ANKRD28: variants seen among roughly 807,000 people sequenced by gnomAD.
ANKRD28 encodes the protein serine/threonine-protein phosphatase 6 regulatory ankyrin repeat subunit A.
ANKRD28 carries 44 observed loss-of-function variants against 126.5 expected under a neutral mutation model. The observed-to-expected ratio is 0.35, with a 90% CI of 0.27 to 0.45. The LOEUF (loss-of-function observed/expected upper bound fraction) is 0.45, where lower values mean the gene tolerates loss of function less well. Ranked by LOEUF, ANKRD28 falls within the 20% of genes least tolerant of loss-of-function variation. The pLI is 1.00. For missense variants in ANKRD28, 1,110 were observed against 1,316.6 expected (o/e 0.84, Z 2.43); for synonymous variants, 442 against 468.5 (o/e 0.94, Z 0.73).
At chr3:15,781,927 C>T (rs1353332775) in intron 2 of ANKRD28, among the ~76,000 whole-genome samples, 1 of 152,046 alleles carries the variant, frequency 6.6e-6, no homozygotes, top group Non-Finnish European at 1.5e-5. Flanking sequence ...CAACTGAGTA[C>T]TGAGTGGGAA....
chr3:15,678,018 T>C (rs895420185), intron 24 of ANKRD28, among the ~76,000 whole-genome samples, 191 bp downstream of exon 24: 1 of 152,196 alleles, frequency 6.6e-6, no homozygotes, highest in Non-Finnish European at 1.5e-5. Flanking sequence ...CATGGTAAAG[T>C]AGACTCCTCA....
At position 15,777,849 on chromosome 3, in the gene ANKRD28, TACACACACACACACACACACACACACAC is replaced by T. The variant is rs569761948; in HGVS notation, c.202-11565_202-11538del. ...ACTGCTCCCATCACCAAAACCAAAC[TACACACACACACACACACACACACACAC>T]ACACACACACACACACACACACACA... On this transcript the variant is annotated intron_variant, in intron 2 of 27. Coordinates refer to ENST00000683139, the MANE Select transcript of ANKRD28 (RefSeq NM_001349278.2). Among the ~76,000 whole-genome samples the T allele has an allele frequency of 5.7e-5, 6 of 106,132 alleles. No homozygotes were observed. In the South Asian group the frequency reaches 1.5e-3, roughly 26 times the overall value. 69.6% of individuals were successfully genotyped at this position (106,132 alleles called of 152,430 possible). A position where few individuals can be genotyped will look rare whatever the true frequency, so the allele number is the denominator to read the frequency against.
At chr3:15,823,666 T>A (rs2125916898) in intron 1 of ANKRD28, among the ~76,000 whole-genome samples, 1 of 152,312 alleles carries the variant, frequency 6.6e-6, no homozygotes, top group South Asian at 2.1e-4. Context: ...GTAAAAATTT[T>A]CAATAAAATA....
At chr3:15,692,285 C>A (rs13074611) in intron 17 of ANKRD28, among the ~76,000 whole-genome samples, 30,599 of 151,582 alleles carry the variant, frequency 0.2, 3,901 homozygotes, top group Non-Finnish European at 0.28. Flanking sequence ...CTTGTCTCTA[C>A]AAAAAAATAA....
At chr3:15,679,602 G>T in intron 21 of ANKRD28, 39 bp from the exon 22 acceptor site, 1 of 1,520,556 alleles carries the variant, frequency 6.6e-7, no homozygotes, top group East Asian at 2.3e-5. Context: ...AAATTCAAAG[G>T]AGATACTGGC....
chr3:15,706,054 C>A (rs1477718447), intron 14 of ANKRD28, among the ~76,000 whole-genome samples: 2 of 130,474 alleles, frequency 1.5e-5, no homozygotes, highest in South Asian at 2.4e-4. Context: ...AAACAAAAAA[C>A]CCCTAGAATT....
intron 1 of ANKRD28, among the ~76,000 whole-genome samples, chr3:15,837,023 C>G (rs1328912890): frequency 6.6e-6 from 1 of 151,178 alleles, no homozygotes; most frequent in Non-Finnish European, 1.5e-5. Context: ...TGGCCCGAAC[C>G]CAGGAGGCAG....
At position 15,668,193 on chromosome 3, in the gene ANKRD28, C is replaced by T. The variant is rs1426330408; in HGVS notation, c.*2077G>A. Reference sequence around the variant, plus strand: ...GAAGTGTTCAAGGTGGAAAGATCACCCTTGTAGAAGGGACTCCTGCATTTG... The same window carrying T: ...GAAGTGTTCAAGGTGGAAAGATCACTCTTGTAGAAGGGACTCCTGCATTTG... On this transcript the variant is annotated 3_prime_UTR_variant, in exon 28 of 28. Coordinates refer to ENST00000683139, the MANE Select transcript of ANKRD28 (RefSeq NM_001349278.2). 6.6e-6 allele frequency: 1 copy of T among 152,094 alleles called. No individual in the cohort carries two copies. Among genetic ancestry groups the T allele is most frequent in the Non-Finnish European group, 1.5e-5 (1 of 68,014 alleles). The allele number at this position is 152,094 out of a possible 1,614,324, so 9.4% of individuals were successfully genotyped here.
intron 4 of ANKRD28, among the ~76,000 whole-genome samples, chr3:15,737,874 G>C (rs2075137264): frequency 6.9e-6 from 1 of 145,518 alleles, no homozygotes; most frequent in African/African-American, 2.5e-5. Context: ...TTGACAAAAT[G>C]AAAAATCACT....
chr3:15,818,581 C>A lies in ANKRD28; in HGVS notation c.28-23275G>T, dbSNP rs2060880935. ...ATACATACCCTATGATAAAGTTTAACTGATAAATTAGGTAAAATAAGAGAT... is the reference window on the plus strand; with the variant it reads ...ATACATACCCTATGATAAAGTTTAAATGATAAATTAGGTAAAATAAGAGAT... On this transcript the variant is annotated intron_variant, in intron 1 of 27. Transcript: ENST00000399451. Among the ~76,000 whole-genome samples the A allele has an allele frequency of 4.6e-5, 7 of 152,080 alleles. No homozygotes were observed. In the South Asian group the frequency reaches 1.4e-3, roughly 31 times the overall value.
intron 4 of ANKRD28, among the ~76,000 whole-genome samples, chr3:15,747,367 G>C (rs754004618): frequency 6.6e-6 from 1 of 152,078 alleles, no homozygotes; most frequent in East Asian, 1.9e-4. Context: ...TACTTTTGCT[G>C]TATCCCAGAG....
rs116181258 is a variant in ANKRD28, at chr3:15,684,392, A to G, written c.2389+834T>C. The G allele has an allele frequency of 1.0e-3, 152 of 152,340 alleles. 1 individual carries two copies. Among genetic ancestry groups the G allele is most frequent in the African/African-American group, 3.6e-3 (149 of 41,574 alleles). 9.4% of individuals were successfully genotyped at this position (152,340 alleles called of 1,614,324 possible). A position where few individuals can be genotyped will look rare whatever the true frequency, so the allele number is the denominator to read the frequency against. ...CTCTTTTAACCATGTAGCAGAGTTAACCCATCAAAGTTTCTAATTCTAAGA... is the reference window on the plus strand; with the variant it reads ...CTCTTTTAACCATGTAGCAGAGTTAGCCCATCAAAGTTTCTAATTCTAAGA... On this transcript the variant is annotated intron_variant, in intron 21 of 27. Transcript: ENST00000683139.
intron 4 of ANKRD28, among the ~76,000 whole-genome samples, chr3:15,740,540 G>A (rs2075377737): frequency 6.6e-6 from 1 of 152,120 alleles, no homozygotes; most frequent in African/African-American, 2.4e-5. Context: ...AATGTTAGTA[G>A]GTATGTTAGT....
chr3:15,758,799 C>A (rs2058304008), intron 3 of ANKRD28, among the ~76,000 whole-genome samples: 1 of 152,114 alleles, frequency 6.6e-6, no homozygotes, highest in East Asian at 1.9e-4. Context: ...AACTAATGTA[C>A]CAGCACTGAA....
At chr3:15,848,950 A>G (rs1342394204) in intron 1 of ANKRD28, among the ~76,000 whole-genome samples, 4 of 152,202 alleles carry the variant, frequency 2.6e-5, no homozygotes, top group East Asian at 3.8e-4. Context: ...ATCTCTAGCC[A>G]CTAAAAAAGT....
intron 1 of ANKRD28, among the ~76,000 whole-genome samples, chr3:15,847,147 A>G (rs964572784): frequency 2.0e-5 from 3 of 152,232 alleles, no homozygotes; most frequent in African/African-American, 7.2e-5. Context: ...ACTCTGATGT[A>G]TGCTCCAAAG....
chr3:15,676,953 CT>C lies in ANKRD28; in HGVS notation c.2873+20del. 6.3e-7 allele frequency: 1 copy of C among 1,591,286 alleles called. No individual in the cohort carries two copies. Among genetic ancestry groups the C allele is most frequent in the Non-Finnish European group, 8.6e-7 (1 of 1,160,558 alleles). ...ATAATTATAGGTCACAAAGTTTATA[CT>C]AGATACTGACAGTACTCACGTTTGC... On this transcript the variant is annotated intron_variant, in intron 26 of 27. Transcript: ENST00000683139.
intron 1 of ANKRD28, among the ~76,000 whole-genome samples, chr3:15,825,745 CAGAT>C (rs1029370948): frequency 3.9e-5 from 6 of 152,116 alleles, no homozygotes; most frequent in Non-Finnish European, 7.4e-5. Flanking sequence ...AGCCTACCTA[CAGAT>C]AGATAGATAA....
chr3:15,752,253 A>G (rs1289049438), intron 3 of ANKRD28, among the ~76,000 whole-genome samples: 1 of 152,176 alleles, frequency 6.6e-6, no homozygotes, highest in Non-Finnish European at 1.5e-5. Flanking sequence ...AGGTAATATG[A>G]TAACATCAAA....
Sources: gnomAD v4.1 joint callset for allele counts (sites outside exome capture counted in the v4.1 genomes callset) on GRCh38, gnomAD v4.1.1 for gene constraint, MANE v1.5 for transcripts, NCBI Gene and HGNC (gene_info 2026-07-23, HGNC 2026-07-21) for gene names.